SYT1: variants seen among roughly 807,000 people sequenced by gnomAD.
SYT1 encodes synaptotagmin 1.
Under a neutral mutation model 44.8 loss-of-function variants are expected in SYT1, and 8 were observed. That is an observed-to-expected ratio of 0.18 (90% confidence interval 0.10 to 0.32). The LOEUF (loss-of-function observed/expected upper bound fraction) is 0.32, where lower values mean the gene tolerates loss of function less well. Ranked by LOEUF, SYT1 falls within the 10% of genes least tolerant of loss-of-function variation. SYT1 has a pLI of 1.00. For synonymous variants in SYT1, 154 were observed against 188.8 expected (o/e 0.82, Z 1.51); for missense variants, 286 against 509.3 (o/e 0.56, Z 4.22).
chr12:79,286,096 C>T (rs773588467), intron 5 of SYT1, 125 bp downstream of exon 5: 8 of 1,056,866 alleles, frequency 7.6e-6, no homozygotes, highest in Non-Finnish European at 1.1e-5. Context: ...AGATGCTTTG[C>T]AAACCTTTCA....
rs568582232 is a variant in SYT1, at chr12:79,441,307, T to C, written c.929-2766T>C. 2.7e-4 allele frequency among the ~76,000 whole-genome samples: 41 copies of C among 151,640 alleles called. 1 individual carries two copies. In the South Asian group the frequency reaches 2.9e-3, roughly 11 times the overall value. On this transcript the variant is annotated intron_variant, in intron 9 of 10. Transcript: ENST00000261205. ...TGTTTTGTTGTTGTTGTTGTTGTTG[T>C]TGCTGCTGCTGCTGTTGTTGTTGTT...
chr12:78,959,369 A>G (rs973198589), intron 1 of SYT1, among the ~76,000 whole-genome samples: 4 of 152,160 alleles, frequency 2.6e-5, no homozygotes, highest in African/African-American at 4.8e-5. Flanking sequence ...TGCAAATATA[A>G]TAGCTTAAGA....
intron 1 of SYT1, among the ~76,000 whole-genome samples, chr12:78,902,771 G>A (rs534341975): frequency 5.3e-5 from 8 of 152,202 alleles, no homozygotes; most frequent in Admixed American, 5.2e-4. Context: ...TAAATTGATA[G>A]TTGGTTATTT....
chr12:79,056,457 C>G (rs1468206414), intron 3 of SYT1, among the ~76,000 whole-genome samples: 1 of 152,016 alleles, frequency 6.6e-6, no homozygotes, highest in Non-Finnish European at 1.5e-5. Context: ...AAGCTTGAGA[C>G]ATTTTGACAG....
intron 1 of SYT1, among the ~76,000 whole-genome samples, chr12:78,908,697 A>C (rs1481773873): frequency 6.6e-6 from 1 of 151,968 alleles, no homozygotes; most frequent in Non-Finnish European, 1.5e-5. Context: ...TATTTCTATA[A>C]ATAAAATAGA....
intron 2 of SYT1, among the ~76,000 whole-genome samples, chr12:79,012,664 A>G (rs1174739344): frequency 6.6e-6 from 1 of 152,106 alleles, no homozygotes; most frequent in African/African-American, 2.4e-5. Context: ...AATTTATTAT[A>G]ATATTTCCTG....
At chr12:79,258,137 A>G (rs1877632985) in intron 4 of SYT1, among the ~76,000 whole-genome samples, 1 of 152,244 alleles carries the variant, frequency 6.6e-6, no homozygotes, top group Admixed American at 6.5e-5. Flanking sequence ...CTCAGAAGAA[A>G]GTCAGCTAAA....
At chr12:78,885,747 T>G (rs1330375284) in intron 1 of SYT1, among the ~76,000 whole-genome samples, 1 of 151,930 alleles carries the variant, frequency 6.6e-6, no homozygotes, top group Non-Finnish European at 1.5e-5. Context: ...GGTTTTTATT[T>G]GGAATGAGAG....
rs151235808 is a variant in SYT1 at position 78,987,639 on chromosome 12, T to C, written c.-84+9708T>C. 4.6e-5 allele frequency among the ~76,000 whole-genome samples: 7 copies of C among 152,150 alleles called. No individual in the cohort carries two copies. In the East Asian group the frequency reaches 1.4e-3, roughly 29 times the overall value. ...AACCTTACTTGAGCCTACAGTACTC[T>C]GCATACATAGTTACCATTTGCTATT... On this transcript the variant is annotated intron_variant, in intron 2 of 10. Coordinates refer to ENST00000261205, the MANE Select transcript of SYT1 (RefSeq NM_005639.3).
chr12:78,964,994 C>A (rs1450311295), intron 1 of SYT1, among the ~76,000 whole-genome samples: 2 of 151,750 alleles, frequency 1.3e-5, no homozygotes, highest in African/African-American at 4.8e-5. Context: ...ATTATTAATG[C>A]AAATATATTC....
intron 3 of SYT1, among the ~76,000 whole-genome samples, chr12:79,126,023 C>T (rs1332457926): frequency 6.6e-6 from 1 of 152,166 alleles, no homozygotes; most frequent in Non-Finnish European, 1.5e-5. Flanking sequence ...TTCTTTGCTT[C>T]ACTACTGTAT....
chr12:79,289,629 TGAAA>T (rs1245768548), intron 5 of SYT1, among the ~76,000 whole-genome samples: 2 of 152,218 alleles, frequency 1.3e-5, no homozygotes, highest in African/African-American at 4.8e-5. Context: ...AATTCAGTTC[TGAAA>T]GAGACTTTTG....
chr12:79,003,794 G>GA (rs985216454), intron 2 of SYT1, among the ~76,000 whole-genome samples: 2 of 151,826 alleles, frequency 1.3e-5, no homozygotes, highest in African/African-American at 4.8e-5. Flanking sequence ...CTTCTACAAA[G>GA]AAAAAATGTA....
rs1877626843 is a variant in SYT1 at position 78,931,185 on chromosome 12, AAGAAAGAAAGAAAGAAAG to A, written c.-216-46612_-216-46595del. On this transcript the variant is annotated intron_variant, in intron 1 of 10. Coordinates refer to ENST00000261205, the MANE Select transcript of SYT1 (RefSeq NM_005639.3). ...GGAAAGAAAGAAAGAAAGAAAAAGA[AAGAAAGAAAGAAAGAAAG>A]AAAGAAAGAAAGAAAGAAAGAAAGA... Among the ~76,000 whole-genome samples, 29 of 21,616 alleles carry A rather than the reference AAGAAAGAAAGAAAGAAAG, an allele frequency of 1.3e-3. 1 individual carries two copies. Among genetic ancestry groups the A allele is most frequent in the African/African-American group, 5.4e-3 (29 of 5,342 alleles). The allele number at this position is 21,616 out of a possible 152,430, so 14.2% of individuals were successfully genotyped here. A position where few individuals can be genotyped will look rare whatever the true frequency, so the allele number is the denominator to read the frequency against.
intron 9 of SYT1, among the ~76,000 whole-genome samples, chr12:79,383,547 A>G (rs1036867870): frequency 4.6e-5 from 7 of 152,198 alleles, no homozygotes; most frequent in Non-Finnish European, 1.0e-4. Flanking sequence ...TAAAAACAAA[A>G]CAAAAGAAAA....
At chr12:79,319,639 A>T (rs1218656613) in intron 8 of SYT1, among the ~76,000 whole-genome samples, 1 of 152,168 alleles carries the variant, frequency 6.6e-6, no homozygotes, top group African/African-American at 2.4e-5. Context: ...GTACCAAGGG[A>T]GGGCTGCAAC....
At chr12:79,362,079 A>G (rs180973102) in intron 9 of SYT1, among the ~76,000 whole-genome samples, 4 of 152,328 alleles carry the variant, frequency 2.6e-5, no homozygotes, top group Admixed American at 2.0e-4. Flanking sequence ...AGATAATTTT[A>G]ACAAGAGAAA....
chr12:78,907,649 G>T (rs190359855), intron 1 of SYT1, among the ~76,000 whole-genome samples: 2 of 152,082 alleles, frequency 1.3e-5, no homozygotes, highest in African/African-American at 4.8e-5. Flanking sequence ...GAAAGTATCC[G>T]AAGATGAGCT....
intron 9 of SYT1, among the ~76,000 whole-genome samples, chr12:79,365,307 T>C (rs1883494184): frequency 6.6e-6 from 1 of 152,132 alleles, no homozygotes; most frequent in Non-Finnish European, 1.5e-5. Flanking sequence ...CCATATCTAG[T>C]GGTTGCATAG....
Sources: gnomAD v4.1 joint callset for allele counts (sites outside exome capture counted in the v4.1 genomes callset) on GRCh38, gnomAD v4.1.1 for gene constraint, MANE v1.5 for transcripts, NCBI Gene and HGNC (gene_info 2026-07-23, HGNC 2026-07-21) for gene names.